The following ULK4 variants were observed in gnomAD, a reference collection of about 807,000 sequenced individuals.
ULK4 encodes the protein unc-51 like kinase 4.
ULK4 carries 133 observed loss-of-function variants against 160.6 expected under a neutral mutation model. The ratio of observed to expected loss-of-function variants is 0.83; its 90% CI spans 0.72 to 0.96. The LOEUF is 0.96. Ranked by LOEUF, ULK4 falls within the 40% of genes least tolerant of loss-of-function variation. The pLI is 0.00. For missense variants in ULK4, 1,580 were observed against 1,499.5 expected, an observed-to-expected ratio of 1.05 and a Z score of -0.89; for synonymous variants, 534 against 539.8, an observed-to-expected ratio of 0.99 and a Z score of 0.15.
intron 31 of ULK4, among the ~76,000 whole-genome samples, chr3:41,611,773 G>GATACTGTCTGATTTTTTGA (rs2032691329): frequency 6.6e-6 from 1 of 152,056 alleles, no homozygotes. Flanking sequence ...TCAAGTAGAG[G>GATACTGTCTGATTTTTTGA]ATACTGTCTG....
intron 35 of ULK4, among the ~76,000 whole-genome samples, chr3:41,285,781 C>T (rs2079446032): frequency 6.6e-6 from 1 of 152,156 alleles, no homozygotes; most frequent in African/African-American, 2.4e-5. Context: ...ATCATTTCTA[C>T]CTAGCTGATG....
At chr3:41,323,121 G>A (rs2125732450) in intron 35 of ULK4, among the ~76,000 whole-genome samples, 1 of 151,880 alleles carries the variant, frequency 6.6e-6, no homozygotes, top group African/African-American at 2.4e-5. Flanking sequence ...ATTTTTAGTA[G>A]AGATGAGGTT....
intron 5 of ULK4, among the ~76,000 whole-genome samples, chr3:41,925,103 G>A (rs566982188): frequency 6.6e-6 from 1 of 152,302 alleles, no homozygotes; most frequent in South Asian, 2.1e-4. Context: ...TTGCTTTGGA[G>A]ATGCTGGCAA....
At chr3:41,566,279 T>A (rs1046639706) in intron 31 of ULK4, 149 bp from the exon 32 acceptor site, 8 of 661,812 alleles carry the variant, frequency 1.2e-5, no homozygotes, top group Non-Finnish European at 1.8e-5. Flanking sequence ...CATCCTTCTA[T>A]GTTAAGACAA....
At chr3:41,251,464 T>C (rs555935283) in intron 35 of ULK4, among the ~76,000 whole-genome samples, 1 of 152,082 alleles carries the variant, frequency 6.6e-6, no homozygotes, top group Non-Finnish European at 1.5e-5. Flanking sequence ...AACAGGTAAA[T>C]AGGAGAGGAC....
intron 17 of ULK4, among the ~76,000 whole-genome samples, chr3:41,847,550 C>T (rs2042099224): frequency 6.6e-6 from 1 of 152,124 alleles, no homozygotes; most frequent in Non-Finnish European, 1.5e-5. Flanking sequence ...TAAAATATTT[C>T]GGTATTCTTC....
At chr3:41,311,615 C>CTGGA (rs2080050322) in intron 35 of ULK4, among the ~76,000 whole-genome samples, 1 of 152,116 alleles carries the variant, frequency 6.6e-6, no homozygotes, top group African/African-American at 2.4e-5. Context: ...TGTTGCCAGG[C>CTGGA]TGGAGTGCAG....
rs537719134 is a variant in ULK4, at chr3:41,709,345, G to A, written c.2635-4040C>T. On this transcript the variant is annotated intron_variant, in intron 25 of 36. Transcript: ENST00000301831. ...CAGAGGACATCTTCAATTCTTTTTT[G>A]GTCTACAAATAAACAAAATGGACTT... 2.0e-5 allele frequency among the ~76,000 whole-genome samples: 3 copies of A among 152,112 alleles called. No homozygotes were observed. In the East Asian group the frequency reaches 5.8e-4, roughly 29 times the overall value.
intron 17 of ULK4, among the ~76,000 whole-genome samples, chr3:41,841,736 T>A (rs2041933635): frequency 6.6e-6 from 1 of 152,044 alleles, no homozygotes; most frequent in Non-Finnish European, 1.5e-5. Flanking sequence ...GATCAGATTG[T>A]TACTGTGTCT....
intron 35 of ULK4, among the ~76,000 whole-genome samples, chr3:41,363,329 G>C (rs943749363): frequency 3.3e-5 from 5 of 152,244 alleles, no homozygotes; most frequent in Non-Finnish European, 5.9e-5. Context: ...TCATGCATAA[G>C]TCATGAGCAG....
chr3:41,545,936 A>G (rs1199567180), intron 32 of ULK4, among the ~76,000 whole-genome samples: 1 of 152,054 alleles, frequency 6.6e-6, no homozygotes, highest in East Asian at 1.9e-4. Context: ...TAAGACTTTT[A>G]TATGGTTCTT....
chr3:41,912,747 C>T, intron 9 of ULK4, 60 bp downstream of exon 9: 1 of 1,408,672 alleles, frequency 7.1e-7, no homozygotes, highest in South Asian at 1.2e-5. Flanking sequence ...ATATTTAGAA[C>T]AGTAATGGGC....
intron 35 of ULK4, among the ~76,000 whole-genome samples, chr3:41,280,151 T>G (rs1192342253): frequency 6.6e-6 from 1 of 152,164 alleles, no homozygotes; most frequent in Non-Finnish European, 1.5e-5. Context: ...GCACCCAGAT[T>G]CATAAAGCAA....
At chr3:41,682,092 T>C (rs1051215351) in intron 27 of ULK4, among the ~76,000 whole-genome samples, 2 of 152,206 alleles carry the variant, frequency 1.3e-5, no homozygotes, top group African/African-American at 4.8e-5. Context: ...AAAATCTAGT[T>C]GGCACAGGTT....
chr3:41,484,591 T>C (rs996523477), intron 32 of ULK4, among the ~76,000 whole-genome samples: 5 of 152,096 alleles, frequency 3.3e-5, no homozygotes, highest in South Asian at 2.1e-4. Context: ...TAGCTGGGAC[T>C]ACAGGCGCCC....
chr3:41,908,011 A>T, intron 11 of ULK4, 70 bp from the exon 12 acceptor site: 2 of 1,153,032 alleles, frequency 1.7e-6, no homozygotes, highest in Non-Finnish European at 2.4e-6. Flanking sequence ...GTTTTCTGGA[A>T]GAAAACAAGT....
At chr3:41,865,413 A>G (rs79607233) in intron 17 of ULK4, among the ~76,000 whole-genome samples, 8,849 of 150,964 alleles carry the variant, frequency 0.059, 815 homozygotes, top group African/African-American at 0.2. Flanking sequence ...TAATAACCCT[A>G]TCTTACCAGA....
intron 21 of ULK4, among the ~76,000 whole-genome samples, chr3:41,774,957 TA>T (rs1559544395): frequency 6.7e-6 from 1 of 149,562 alleles, no homozygotes; most frequent in Non-Finnish European, 1.5e-5. Flanking sequence ...TCATTCTCAG[TA>T]AACTATTGCA....
chr3:41,822,616 G>A (rs570320618), intron 18 of ULK4, among the ~76,000 whole-genome samples: 4 of 148,652 alleles, frequency 2.7e-5, no homozygotes, highest in Non-Finnish European at 5.9e-5. Context: ...ACAGCATTTC[G>A]CCATGTTGGC....
Sources: gnomAD v4.1 joint callset for allele counts (sites outside exome capture counted in the v4.1 genomes callset) on GRCh38, gnomAD v4.1.1 for gene constraint, MANE v1.5 for transcripts, NCBI Gene and HGNC (gene_info 2026-07-23, HGNC 2026-07-21) for gene names.